The following PPP3CC variants were observed in gnomAD, a reference collection of about 807,000 sequenced individuals.
The protein encoded by PPP3CC is serine/threonine-protein phosphatase 2B catalytic subunit gamma isoform.
In PPP3CC, 35 loss-of-function variants were observed where a neutral mutation model predicts 60.3. That is an observed-to-expected ratio of 0.58 (90% confidence interval 0.44 to 0.77). PPP3CC has a LOEUF of 0.77. PPP3CC is among the 30% of genes least tolerant of loss of function. The pLI, the probability that PPP3CC is intolerant of heterozygous loss-of-function variation, is 0.00. For synonymous variants in PPP3CC, 206 were observed against 224.3 expected, an observed-to-expected ratio of 0.92 and a Z score of 0.73; for missense variants, 570 against 628.9, an observed-to-expected ratio of 0.91 and a Z score of 1.00.
intron 4 of PPP3CC, among the ~76,000 whole-genome samples, chr8:22,504,147 G>GT (rs553469255): frequency 5.0e-4 from 75 of 150,836 alleles, no homozygotes; most frequent in East Asian, 3.3e-3. Context: ...AAGTAATAAT[G>GT]TTTTTTTTTA....
chr8:22,529,028 A>G (rs78352871), intron 10 of PPP3CC, among the ~76,000 whole-genome samples: 151 of 152,330 alleles, frequency 9.9e-4, no homozygotes, highest in African/African-American at 3.5e-3. Context: ...CTCTTAACCA[A>G]TATTTATTAC....
chr8:22,525,586 C>T (rs887813612), intron 8 of PPP3CC, among the ~76,000 whole-genome samples: 4 of 148,834 alleles, frequency 2.7e-5, no homozygotes, highest in African/African-American at 7.5e-5. Flanking sequence ...CTCTTTCTCT[C>T]GGTCTCTGTC....
At chr8:22,450,176 C>G (rs1216957030) in intron 1 of PPP3CC, among the ~76,000 whole-genome samples, 2 of 151,926 alleles carry the variant, frequency 1.3e-5, no homozygotes, top group African/African-American at 4.8e-5. Context: ...GCTGTGATGA[C>G]CATGTTTTAA....
At chr8:22,463,762 C>T (rs1460333938) in intron 1 of PPP3CC, among the ~76,000 whole-genome samples, 1 of 151,392 alleles carries the variant, frequency 6.6e-6, no homozygotes, top group Non-Finnish European at 1.5e-5. Context: ...GCTATTGTGG[C>T]AGTCTTTGTA....
chr8:22,456,072 G>A (rs1837186211), intron 1 of PPP3CC, among the ~76,000 whole-genome samples: 1 of 152,214 alleles, frequency 6.6e-6, no homozygotes, highest in African/African-American at 2.4e-5. Context: ...GAAAAAGTAG[G>A]GCAGGACTGC....
intron 1 of PPP3CC, among the ~76,000 whole-genome samples, chr8:22,443,919 T>A (rs1836749958): frequency 6.6e-6 from 1 of 152,248 alleles, no homozygotes. Flanking sequence ...TGTCTGCATT[T>A]ATTCACAGCT....
intron 3 of PPP3CC, among the ~76,000 whole-genome samples, chr8:22,489,982 C>A (rs1838351217): frequency 6.6e-6 from 1 of 151,120 alleles, no homozygotes; most frequent in African/African-American, 2.4e-5. Flanking sequence ...CTACCACGCC[C>A]AGCAATTTTT....
intron 1 of PPP3CC, among the ~76,000 whole-genome samples, chr8:22,442,271 C>T (rs1294985556): frequency 2.0e-5 from 3 of 152,202 alleles, no homozygotes; most frequent in Non-Finnish European, 4.4e-5. Context: ...CTGAGATTAA[C>T]AATCGGTTTG....
At chr8:22,447,427 C>T (rs535951943) in intron 1 of PPP3CC, among the ~76,000 whole-genome samples, 179 of 152,054 alleles carry the variant, frequency 1.2e-3, no homozygotes, top group African/African-American at 4.2e-3. Context: ...CGTGATCCGC[C>T]CGTCTCGGCC....
intron 5 of PPP3CC, among the ~76,000 whole-genome samples, chr8:22,511,678 A>G (rs1395455714): frequency 1.3e-5 from 2 of 152,254 alleles, no homozygotes; most frequent in African/African-American, 4.8e-5. Context: ...TTTCATCACT[A>G]TAACTACTGT....
At chr8:22,497,486 A>G (rs1340651664) in intron 3 of PPP3CC, among the ~76,000 whole-genome samples, 7 of 151,980 alleles carry the variant, frequency 4.6e-5, no homozygotes, top group African/African-American at 1.7e-4. Context: ...TGTTAATTTT[A>G]TATCCTGCTA....
chr8:22,442,903 GT>G (rs545151473), intron 1 of PPP3CC, among the ~76,000 whole-genome samples: 3 of 152,202 alleles, frequency 2.0e-5, no homozygotes, highest in Non-Finnish European at 4.4e-5. Context: ...TGCTATACCA[GT>G]TCAGTGTTTT....
rs1839755215 is a variant in PPP3CC at position 22,532,927 on chromosome 8, A to C, written c.1230A>C (p.Glu410Asp). ...MARVFSILRQ[E>D]SESVLTLKGL... Reference sequence around the variant, plus strand: ...GTTTGGTCTCCCTTTGCAGGCAAGAAAGTGAGAGTGTGCTGACTCTCAAGG... The same window carrying C: ...GTTTGGTCTCCCTTTGCAGGCAAGACAGTGAGAGTGTGCTGACTCTCAAGG... Residue 410 changes from glutamate (E) to aspartate (D), a missense_variant, in exon 12 of 14, where the codon GAA (glutamate) becomes GAC (aspartate). Physicochemically the swap from Glu to Asp is conservative, Grantham distance 45. Coordinates refer to ENST00000240139, the MANE Select transcript of PPP3CC (RefSeq NM_005605.5). The C allele has an allele frequency of 1.3e-6, 2 of 1,587,010 alleles. No individual in the cohort carries two copies. Among genetic ancestry groups the C allele is most frequent in the East Asian group, 4.6e-5 (2 of 43,144 alleles).
At chr8:22,506,790 A>G (rs1475292235) in intron 4 of PPP3CC, among the ~76,000 whole-genome samples, 2 of 151,940 alleles carry the variant, frequency 1.3e-5, no homozygotes, top group Non-Finnish European at 2.9e-5. Flanking sequence ...AAATAAAAAA[A>G]AATTAGCCGG....
intron 6 of PPP3CC, among the ~76,000 whole-genome samples, chr8:22,520,799 CTATT>C (rs1286455087): frequency 6.6e-6 from 1 of 152,116 alleles, no homozygotes; most frequent in African/African-American, 2.4e-5. Context: ...TCATACATCT[CTATT>C]TATTTAGGGC....
At chr8:22,513,162 T>C in intron 5 of PPP3CC, 131 bp from the exon 6 acceptor site, 1 of 731,348 alleles carries the variant, frequency 1.4e-6, no homozygotes, top group South Asian at 3.9e-5. Flanking sequence ...AGGAAAGTCC[T>C]TTAGGGGCAC....
At chr8:22,523,561 T>C in intron 8 of PPP3CC, 1 of 381,732 alleles carries the variant, frequency 2.6e-6, no homozygotes, top group Non-Finnish European at 5.3e-6. Context: ...AGTAGTTACC[T>C]TGGGAGGCTA....
At chr8:22,513,184 T>G in intron 5 of PPP3CC, 109 bp from the exon 6 acceptor site, 4 of 1,138,538 alleles carry the variant, frequency 3.5e-6, no homozygotes, top group Non-Finnish European at 4.8e-6. Context: ...CTGGCTTCTC[T>G]CCTAATACAT....
At chr8:22,532,514 G>C (rs562784930) in intron 11 of PPP3CC, among the ~76,000 whole-genome samples, 2 of 152,302 alleles carry the variant, frequency 1.3e-5, no homozygotes, top group African/African-American at 2.4e-5. Context: ...TGAATGTAGT[G>C]GTTTAGTGTG....
Sources: allele counts gnomAD v4.1 joint callset (sites outside exome capture counted in the v4.1 genomes callset), GRCh38; gene constraint gnomAD v4.1.1; transcripts MANE v1.5; gene names NCBI Gene and HGNC (gene_info 2026-07-23, HGNC 2026-07-21).